SRSF11: variants seen among roughly 807,000 people sequenced by gnomAD.
SRSF11 encodes the protein serine/arginine-rich splicing factor 11.
Under a neutral mutation model 56.0 loss-of-function variants are expected in SRSF11, and 9 were observed. The ratio of observed to expected loss-of-function variants is 0.16; its 90% CI spans 0.10 to 0.28. The LOEUF is 0.28. Ranked by LOEUF, SRSF11 falls within the 10% of genes least tolerant of loss-of-function variation. SRSF11 has a pLI of 1.00. For synonymous variants in SRSF11, 222 were observed against 215.3 expected (o/e 1.03, Z -0.27); for missense variants, 421 against 600.7 (o/e 0.70, Z 3.13).
intron 1 of SRSF11, among the ~76,000 whole-genome samples, chr1:70,206,923 G>T (rs1669095100): frequency 7.0e-6 from 1 of 143,108 alleles, no homozygotes; most frequent in Non-Finnish European, 1.5e-5. Flanking sequence ...ACAAAGTCTG[G>T]TCTGTCGCCT....
intron 9 of SRSF11, chr1:70,248,259 C>T (rs937464763): frequency 6.6e-6 from 1 of 152,022 alleles, no homozygotes; most frequent in Non-Finnish European, 1.5e-5. Flanking sequence ...GTTAACTATC[C>T]ATTAACAAAT....
upstream of SRSF11, among the ~76,000 whole-genome samples, chr1:70,220,638 T>C (rs1670447116): frequency 6.6e-6 from 1 of 152,002 alleles, no homozygotes; most frequent in South Asian, 2.1e-4. Context: ...TCACCAGAGG[T>C]CAGGAGTTGG....
chr1:70,225,082 G>A (rs1671478509), intron 1 of SRSF11, among the ~76,000 whole-genome samples: 1 of 152,176 alleles, frequency 6.6e-6, no homozygotes, highest in Non-Finnish European at 1.5e-5. Flanking sequence ...TCAGGAGTTT[G>A]CTGATTTAGC....
At chr1:70,241,458 T>TA (rs1675376134) in intron 7 of SRSF11, among the ~76,000 whole-genome samples, 1 of 152,220 alleles carries the variant, frequency 6.6e-6, no homozygotes, top group Non-Finnish European at 1.5e-5. Flanking sequence ...GTCTTATTCT[T>TA]AGAGTTGTCT....
rs1678122540 is a variant in SRSF11, at chr1:70,252,754, A to C, written c.*1949A>C. The C allele has an allele frequency of 6.6e-6, 1 of 152,240 alleles. No individual in the cohort carries two copies. Among genetic ancestry groups the C allele is most frequent in the African/African-American group, 2.4e-5 (1 of 41,472 alleles). 9.4% of individuals were successfully genotyped at this position (152,240 alleles called of 1,614,324 possible). A position where few individuals can be genotyped will look rare whatever the true frequency, so the allele number is the denominator to read the frequency against. On this transcript the variant is annotated 3_prime_UTR_variant, in exon 12 of 12. Transcript: ENST00000370949. Reference sequence around the variant, plus strand: ...GTCAAAAACAAATTTCACATATGGTAAACCTAATATTCACAGTGTGTTCCC... The same window carrying C: ...GTCAAAAACAAATTTCACATATGGTCAACCTAATATTCACAGTGTGTTCCC...
Position 70,221,780 on chromosome 1 carries a change from G to T in SRSF11, c.144G>T (p.Gln48His). 1 of 1,614,174 alleles carries T rather than the reference G, an allele frequency of 6.2e-7. No individual in the cohort carries two copies. The highest frequency in any genetic ancestry group is 8.5e-7 in the Non-Finnish European group (1 of 1,180,038). Reference protein sequence around the residue: ...TNVSPSASSEQMRTLFGFLGK... With the variant: ...TNVSPSASSEHMRTLFGFLGK... ...TCTCCCCGAGCGCTAGCTCTGAGCA[G>T]ATGCGGACTCTCTTCGGTTTCCTAG... The change falls in exon 1 of 12, where the codon CAG becomes CAT. Residue 48 changes from glutamine (Q) to histidine (H), a missense_variant. Gln to His is a conservative substitution (Grantham distance 24). Transcript: ENST00000370949.
chr1:70,207,713 C>A (rs376405914), intron 1 of SRSF11, among the ~76,000 whole-genome samples: 274 of 149,188 alleles, frequency 1.8e-3, no homozygotes, highest in African/African-American at 6.5e-3. Flanking sequence ...ACAATAGATT[C>A]TTCTTTCGTT....
chr1:70,234,042 T>C (rs1173342939), intron 3 of SRSF11, among the ~76,000 whole-genome samples: 1 of 152,132 alleles, frequency 6.6e-6, no homozygotes, highest in African/African-American at 2.4e-5. Flanking sequence ...TTTGGAAGGG[T>C]GACTAGTAAA....
chr1:70,207,788 C>T (rs536461795), intron 1 of SRSF11, among the ~76,000 whole-genome samples: 17 of 150,482 alleles, frequency 1.1e-4, no homozygotes, highest in East Asian at 3.9e-4. Flanking sequence ...TACAGTGGTG[C>T]GATCACAGCT....
intron 7 of SRSF11, 150 bp downstream of exon 7, chr1:70,239,670 T>G: frequency 1.9e-6 from 1 of 523,940 alleles, no homozygotes; most frequent in Non-Finnish European, 3.3e-6. Context: ...TTCACACATG[T>G]AAAAAGTAAG....
At chr1:70,250,296 G>T in intron 10 of SRSF11, 69 bp from the exon 11 acceptor site, 1 of 1,582,572 alleles carries the variant, frequency 6.3e-7, no homozygotes, top group African/African-American at 1.4e-5. Flanking sequence ...CTTATATCCT[G>T]TGAAATTGAG....
chr1:70,224,009 A>G (rs1671211506), intron 1 of SRSF11, among the ~76,000 whole-genome samples: 1 of 152,190 alleles, frequency 6.6e-6, no homozygotes, highest in Non-Finnish European at 1.5e-5. Flanking sequence ...TGTACTGAAC[A>G]TGTACAGACT....
chr1:70,218,586 T>TGG (rs1670230264), upstream of SRSF11: 2 of 152,144 alleles, frequency 1.3e-5, no homozygotes, highest in South Asian at 4.1e-4. Flanking sequence ...TGTGTACCCA[T>TGG]CACAGAGAAT....
At chr1:70,244,354 A>T (rs1030057958) in intron 7 of SRSF11, among the ~76,000 whole-genome samples, 1 of 152,206 alleles carries the variant, frequency 6.6e-6, no homozygotes, top group Non-Finnish European at 1.5e-5. Context: ...ATTGTATAAG[A>T]TGATGCAAAT....
chr1:70,210,268 C>T (rs1304922203), intron 1 of SRSF11, among the ~76,000 whole-genome samples: 2 of 152,030 alleles, frequency 1.3e-5, no homozygotes, highest in African/African-American at 2.4e-5. Context: ...CCTCAACCTC[C>T]TCCCCATGCC....
At chr1:70,245,363 C>T (rs547031891) in intron 8 of SRSF11, among the ~76,000 whole-genome samples, 20 of 152,312 alleles carry the variant, frequency 1.3e-4, no homozygotes, top group African/African-American at 4.6e-4. Context: ...ACATAACTTA[C>T]TCTTGGGAAG....
chr1:70,205,849 C>A, intron 1 of SRSF11: 1 of 239,038 alleles, frequency 4.2e-6, no homozygotes, highest in Non-Finnish European at 8.1e-6. Context: ...GCGACTCCAA[C>A]CTTCTCCTCT....
intron 1 of SRSF11, among the ~76,000 whole-genome samples, chr1:70,211,068 A>G (rs1275474683): frequency 1.3e-5 from 2 of 152,188 alleles, no homozygotes; most frequent in African/African-American, 4.8e-5. Flanking sequence ...ATTATTACTC[A>G]TAACCTTTAA....
Position 70,244,744 on chromosome 1 carries a change from C to T in SRSF11, c.861C>T (p.Ser287=). ...SHSKSRSRRR[S]KSPRRRRSHS... is the part of the protein sequence containing the mutation. ...CTAAGTCTAGGAGTCGGCGACGATC[C>T]AAAAGCCCAAGGCGGAGAAGATCTC... Residue 287 remains serine (S), a synonymous_variant, in exon 8 of 12, where the codon TCC becomes TCT. Coordinates refer to ENST00000370949, the MANE Select transcript of SRSF11 (RefSeq NM_001350605.2). The T allele has an allele frequency of 6.2e-7, 1 of 1,614,082 alleles. No homozygotes were observed. Among genetic ancestry groups the T allele is most frequent in the South Asian group, 1.1e-5 (1 of 91,048 alleles).
Sources: allele counts gnomAD v4.1 joint callset (sites outside exome capture counted in the v4.1 genomes callset), GRCh38; gene constraint gnomAD v4.1.1; transcripts MANE v1.5; gene names NCBI Gene and HGNC (gene_info 2026-07-23, HGNC 2026-07-21).